The following KCNQ3 variants were observed in gnomAD, a reference collection of about 807,000 sequenced individuals.
KCNQ3 encodes the protein potassium voltage-gated channel subfamily KQT member 3.
In KCNQ3, 30 loss-of-function variants were observed where a neutral mutation model predicts 92.5. The ratio of observed to expected loss-of-function variants is 0.32; its 90% CI spans 0.24 to 0.44. The LOEUF (loss-of-function observed/expected upper bound fraction) is 0.44. Ranked by LOEUF, KCNQ3 falls within the 20% of genes least tolerant of loss-of-function variation. The pLI, the probability that KCNQ3 is intolerant of heterozygous loss-of-function variation, is 1.00. For synonymous variants in KCNQ3, 450 were observed against 468.8 expected (o/e 0.96, Z 0.52); for missense variants, 913 against 1,140.3 (o/e 0.80, Z 2.87).
At chr8:132,232,632 A>G (rs16904632) in intron 1 of KCNQ3, among the ~76,000 whole-genome samples, 11,383 of 152,308 alleles carry the variant, frequency 0.075, 546 homozygotes, top group South Asian at 0.15. Flanking sequence ...CATCCTTAAC[A>G]TCTAGAACAG....
At chr8:132,273,176 T>C (rs1188649924) in intron 1 of KCNQ3, among the ~76,000 whole-genome samples, 1 of 152,334 alleles carries the variant, frequency 6.6e-6, no homozygotes, top group Non-Finnish European at 1.5e-5. Flanking sequence ...AGGTTATCCA[T>C]GAGGTTACCC....
intron 1 of KCNQ3, among the ~76,000 whole-genome samples, chr8:132,343,965 G>T (rs1818609023): frequency 6.6e-6 from 1 of 152,220 alleles, no homozygotes; most frequent in Admixed American, 6.5e-5. Context: ...ACAGATGAAA[G>T]ATATTCAGAT....
chr8:132,403,832 TCCTGCAGAGAACAGGGA>T (rs1162167916), intron 1 of KCNQ3, among the ~76,000 whole-genome samples: 1 of 152,198 alleles, frequency 6.6e-6, no homozygotes, highest in African/African-American at 2.4e-5. Context: ...GTCTGGTGGA[TCCTGCAGAGAACAGGGA>T]CCTTATTTTA....
At chr8:132,389,150 CA>C (rs1333365514) in intron 1 of KCNQ3, among the ~76,000 whole-genome samples, 2 of 152,176 alleles carry the variant, frequency 1.3e-5, no homozygotes, top group African/African-American at 2.4e-5. Context: ...AATCTCACTG[CA>C]TTAAAAGTAA....
intron 1 of KCNQ3, among the ~76,000 whole-genome samples, chr8:132,310,980 C>T (rs561597090): frequency 6.7e-5 from 10 of 149,044 alleles, no homozygotes; most frequent in Admixed American, 1.3e-4. Context: ...CTAGCTCTGT[C>T]GCCAGGCTGG....
chr8:132,458,030 A>T (rs1260831231), intron 1 of KCNQ3, among the ~76,000 whole-genome samples: 1 of 152,116 alleles, frequency 6.6e-6, no homozygotes, highest in Admixed American at 6.5e-5. Context: ...AAGCCCTGCC[A>T]CTTCCATCCA....
intron 1 of KCNQ3, among the ~76,000 whole-genome samples, chr8:132,314,092 C>A (rs558235939): frequency 5.9e-5 from 9 of 152,160 alleles, no homozygotes; most frequent in African/African-American, 9.6e-5. Flanking sequence ...GAAAATTGAA[C>A]AAAACAAACA....
In KCNQ3 at chr8:132,123,355, C is replaced by T. The variant is rs2130913696; in HGVS notation, c.*5907G>A. On this transcript the variant is annotated 3_prime_UTR_variant, in exon 15 of 15. Transcript: ENST00000388996. ...TGGCCATGGGATTGTTCTTCATTCC[C>T]TTTCTCAACTGCACCCAGCAGCAGT... 6.6e-6 allele frequency: 1 copy of T among 152,384 alleles called. No individual in the cohort carries two copies. Among genetic ancestry groups the T allele is most frequent in the East Asian group, 1.9e-4 (1 of 5,150 alleles). 9.4% of individuals were successfully genotyped at this position (152,384 alleles called of 1,614,324 possible).
intron 1 of KCNQ3, among the ~76,000 whole-genome samples, chr8:132,471,368 G>A (rs1040018182): frequency 1.3e-5 from 2 of 152,090 alleles, no homozygotes; most frequent in Non-Finnish European, 2.9e-5. Context: ...TTGTAAACGC[G>A]AGCCACTGGT....
chr8:132,364,249 G>A (rs1295708319), intron 1 of KCNQ3, among the ~76,000 whole-genome samples: 1 of 152,218 alleles, frequency 6.6e-6, no homozygotes, highest in Non-Finnish European at 1.5e-5. Flanking sequence ...CACTGGAGAA[G>A]ATATAATTTG....
At chr8:132,261,081 C>T (rs959470168) in intron 1 of KCNQ3, among the ~76,000 whole-genome samples, 3 of 152,206 alleles carry the variant, frequency 2.0e-5, no homozygotes, top group East Asian at 3.8e-4. Context: ...CTATGCTCAA[C>T]AGCCCTAGTA....
Position 132,395,763 on chromosome 8 carries a change from C to T in KCNQ3, c.386+84384G>A, listed in dbSNP as rs964201160. ...GAAACCTCCTTACAGGCATTGGGCT[C>T]ATCCCCATTTGGCTGAAGCCGAAGC... is the stretch of plus-strand genomic sequence containing the variant. On this transcript the variant is annotated intron_variant, in intron 1 of 14. Coordinates refer to ENST00000388996, the MANE Select transcript of KCNQ3 (RefSeq NM_004519.4). Among the ~76,000 whole-genome samples the T allele has an allele frequency of 1.1e-4, 17 of 152,348 alleles. No homozygotes were observed. The Middle Eastern group carries it at 0.014, about 122-fold the overall frequency.
Position 132,425,678 on chromosome 8 carries a change from T to A in KCNQ3, c.386+54469A>T, listed in dbSNP as rs140868352. On this transcript the variant is annotated intron_variant, in intron 1 of 14. Coordinates refer to ENST00000388996, the MANE Select transcript of KCNQ3 (RefSeq NM_004519.4). Reference sequence around the variant, plus strand: ...ACATGCACGCAGGAAGTTTGTTGTTTCAAGGAACTCCTGGGGGACTCCTGC... The same window carrying A: ...ACATGCACGCAGGAAGTTTGTTGTTACAAGGAACTCCTGGGGGACTCCTGC... Among the ~76,000 whole-genome samples, 422 of 152,330 alleles carry A rather than the reference T, an allele frequency of 2.8e-3. 1 individual carries two copies. Among genetic ancestry groups the A allele is most frequent in the Middle Eastern group, 0.01 (3 of 294 alleles).
At chr8:132,297,441 G>T (rs1817073619) in intron 1 of KCNQ3, among the ~76,000 whole-genome samples, 1 of 151,956 alleles carries the variant, frequency 6.6e-6, no homozygotes, top group South Asian at 2.1e-4. Flanking sequence ...TTTATTTCAT[G>T]ACCTATTCTA....
At chr8:132,137,250 A>G (rs1235966359) in intron 12 of KCNQ3, among the ~76,000 whole-genome samples, 1 of 152,148 alleles carries the variant, frequency 6.6e-6, no homozygotes, top group Non-Finnish European at 1.5e-5. Flanking sequence ...AATATGGTGT[A>G]TTAGAGAGAA....
intron 1 of KCNQ3, among the ~76,000 whole-genome samples, chr8:132,195,874 T>C (rs917619320): frequency 6.6e-6 from 1 of 152,130 alleles, no homozygotes; most frequent in African/African-American, 2.4e-5. Flanking sequence ...TATAGTAATA[T>C]TAGACTTTAA....
chr8:132,433,672 C>T (rs1360515815), intron 1 of KCNQ3, among the ~76,000 whole-genome samples: 2 of 145,758 alleles, frequency 1.4e-5, no homozygotes, highest in Admixed American at 1.4e-4. Flanking sequence ...GGCGGATCAC[C>T]TGAGATCAGG....
chr8:132,230,463 G>T (rs1022099312), intron 1 of KCNQ3, among the ~76,000 whole-genome samples: 1 of 151,478 alleles, frequency 6.6e-6, no homozygotes, highest in African/African-American at 2.4e-5. Flanking sequence ...GAGAGAGAGA[G>T]AGAGAGAGAG....
At chr8:132,219,210 A>G (rs1814137186) in intron 1 of KCNQ3, among the ~76,000 whole-genome samples, 1 of 152,146 alleles carries the variant, frequency 6.6e-6, no homozygotes, top group East Asian at 1.9e-4. Context: ...GACCTTGATG[A>G]GTGCAGATTT....
Sources: allele counts gnomAD v4.1 joint callset (sites outside exome capture counted in the v4.1 genomes callset), GRCh38; gene constraint gnomAD v4.1.1; transcripts MANE v1.5; gene names NCBI Gene and HGNC (gene_info 2026-07-23, HGNC 2026-07-21).